The following CASTOR2 variants were observed in gnomAD, a reference collection of about 807,000 sequenced individuals.
The protein encoded by CASTOR2 is GATS protein like 2.
In CASTOR2, 8 loss-of-function variants were observed where a neutral mutation model predicts 31.2. The ratio of observed to expected loss-of-function variants is 0.26; its 90% confidence interval spans 0.15 to 0.46. The LOEUF is 0.46. CASTOR2 is among the 20% of genes least tolerant of loss of function. CASTOR2 has a pLI of 0.99. For missense variants in CASTOR2, 216 were observed against 382.1 expected (o/e 0.57, Z 3.62); for synonymous variants, 162 against 158.7 (o/e 1.02, Z -0.16).
intron 1 of CASTOR2, among the ~76,000 whole-genome samples, chr7:75,003,488 C>T (rs1804541445): frequency 6.6e-6 from 1 of 151,464 alleles, no homozygotes; most frequent in Non-Finnish European, 1.5e-5. Flanking sequence ...TGGTGGCTCA[C>T]GCCTATAATC....
chr7:75,026,462 T>G lies in CASTOR2; in HGVS notation c.*1763T>G, dbSNP rs1805135917. Among the ~76,000 whole-genome samples the G allele has an allele frequency of 6.6e-6, 1 of 152,134 alleles. No individual in the cohort carries two copies. Among genetic ancestry groups the G allele is most frequent in the South Asian group, 2.1e-4 (1 of 4,826 alleles). The stretch of plus-strand genomic sequence containing the variant: ...GCCTCGGCCTCCCAAAATGCCGGGA[T>G]TACAGGCGTGAGCCACCACACCCAG... On this transcript the variant is annotated 3_prime_UTR_variant, in exon 9 of 9. Coordinates refer to ENST00000616305, the MANE Select transcript of CASTOR2 (RefSeq NM_001145064.3).
chr7:74,999,650 G>A (rs1277255958), intron 1 of CASTOR2, among the ~76,000 whole-genome samples: 5 of 108,860 alleles, frequency 4.6e-5, no homozygotes, highest in East Asian at 6.3e-4. Flanking sequence ...ACGGAATCTC[G>A]CTCTGTCTCC....
At chr7:75,004,230 A>T (rs1245554644) in intron 1 of CASTOR2, among the ~76,000 whole-genome samples, 2 of 152,146 alleles carry the variant, frequency 1.3e-5, no homozygotes, top group Admixed American at 6.6e-5. Flanking sequence ...AGTGATTGCC[A>T]CTTACTGTGG....
At chr7:75,007,121 C>T (rs1396128409) in intron 1 of CASTOR2, among the ~76,000 whole-genome samples, 2 of 152,134 alleles carry the variant, frequency 1.3e-5, no homozygotes, top group Non-Finnish European at 2.9e-5. Flanking sequence ...CACACTTGGA[C>T]TTGCCATCTC....
chr7:75,005,003 T>C (rs1804574829), intron 1 of CASTOR2, among the ~76,000 whole-genome samples: 1 of 151,838 alleles, frequency 6.6e-6, no homozygotes, highest in African/African-American at 2.4e-5. Flanking sequence ...GTAGTTGGGA[T>C]TACAGGTGCC....
chr7:74,985,948 G>C (rs1469652842), intron 1 of CASTOR2, among the ~76,000 whole-genome samples: 5 of 151,910 alleles, frequency 3.3e-5, no homozygotes, highest in African/African-American at 1.2e-4. Context: ...ATTTTTTTGA[G>C]ACAGAGTCTC....
chr7:74,977,806 G>A (rs1803856578), intron 1 of CASTOR2, among the ~76,000 whole-genome samples: 1 of 150,436 alleles, frequency 6.6e-6, no homozygotes, highest in African/African-American at 2.4e-5. Flanking sequence ...GCCCCACTGA[G>A]TAGCTGGGAC....
intron 2 of CASTOR2, among the ~76,000 whole-genome samples, chr7:75,014,747 C>G (rs1804829692): frequency 1.3e-5 from 2 of 152,324 alleles, no homozygotes; most frequent in African/African-American, 2.4e-5. Context: ...TTCCCCCACA[C>G]CCACGTTTCC....
intron 2 of CASTOR2, among the ~76,000 whole-genome samples, chr7:75,009,332 T>G (rs1468862285): frequency 4.0e-5 from 5 of 125,934 alleles, no homozygotes; most frequent in Admixed American, 2.0e-4. Context: ...TGCAGTGGTG[T>G]GATCTCAGCA....
In CASTOR2 at chr7:74,964,705, AGCTGCTCCCCGCGCCGGGCGCCGCGCGCC is replaced by A. The variant is rs1563051380; in HGVS notation, c.-272_-244del. 5.4e-5 allele frequency: 7 copies of A among 129,632 alleles called. No homozygotes were observed. Among genetic ancestry groups the A allele is most frequent in the Non-Finnish European group, 1.0e-4 (6 of 60,292 alleles). 8.0% of individuals were successfully genotyped at this position (129,632 alleles called of 1,614,324 possible). Reference sequence around the variant, plus strand: ...CAAGTTGTTTGTTACAGCGAACACCAGCTGCTCCCCGCGCCGGGCGCCGCGCGCCGCTGCTCCGCCGCTCGGCCCCTCGG... The same window carrying A: ...CAAGTTGTTTGTTACAGCGAACACCAGCTGCTCCGCCGCTCGGCCCCTCGG... On this transcript the variant is annotated 5_prime_UTR_variant, in exon 1 of 9. Transcript: ENST00000616305.
intron 2 of CASTOR2, among the ~76,000 whole-genome samples, chr7:75,015,938 G>T (rs1340761878): frequency 2.0e-5 from 3 of 152,118 alleles, no homozygotes; most frequent in African/African-American, 4.8e-5. Context: ...ATGATGTTGG[G>T]TGCCTCTAAT....
At chr7:74,985,997 G>A (rs1804054952) in intron 1 of CASTOR2, among the ~76,000 whole-genome samples, 1 of 151,944 alleles carries the variant, frequency 6.6e-6, no homozygotes, top group Non-Finnish European at 1.5e-5. Flanking sequence ...GCATTATCTC[G>A]GCTCACTGCA....
intron 1 of CASTOR2, among the ~76,000 whole-genome samples, chr7:74,969,375 C>T (rs1357584738): frequency 1.6e-5 from 1 of 62,264 alleles, no homozygotes; most frequent in Non-Finnish European, 3.1e-5. Flanking sequence ...CTACACCTCC[C>T]GGGCTTGAGT....
rs1805284365 is a variant in CASTOR2, at chr7:75,030,898, C to T, written c.*6199C>T. Among the ~76,000 whole-genome samples the T allele has an allele frequency of 1.3e-5, 2 of 152,186 alleles. No individual in the cohort carries two copies. Among genetic ancestry groups the T allele is most frequent in the African/African-American group, 4.8e-5 (2 of 41,444 alleles). On this transcript the variant is annotated 3_prime_UTR_variant, in exon 9 of 9. Transcript: ENST00000616305. The stretch of plus-strand genomic sequence containing the variant: ...TTTGTGGGGGCCGGCACTCCCTCAT[C>T]TACTGGGGCTCATTCTGGAAGAAGG...
chr7:74,987,828 C>A (rs1296649955), intron 1 of CASTOR2, among the ~76,000 whole-genome samples: 1 of 151,954 alleles, frequency 6.6e-6, no homozygotes, highest in Non-Finnish European at 1.5e-5. Context: ...CCCACCTCAG[C>A]CTCCTGAGTA....
intron 6 of CASTOR2, among the ~76,000 whole-genome samples, 200 bp from the exon 7 acceptor site, chr7:75,021,674 A>G (rs1185024761): frequency 6.6e-6 from 1 of 152,042 alleles, no homozygotes; most frequent in Non-Finnish European, 1.5e-5. Flanking sequence ...CACCCTCCCC[A>G]TCCGCCTCCC....
At chr7:74,992,420 C>G (rs1554437441) in intron 1 of CASTOR2, among the ~76,000 whole-genome samples, 1 of 151,996 alleles carries the variant, frequency 6.6e-6, no homozygotes, top group African/African-American at 2.4e-5. Flanking sequence ...TGAGCAACAT[C>G]GTGAGACCCT....
chr7:75,023,771 G>C (rs972541152), intron 7 of CASTOR2, among the ~76,000 whole-genome samples: 1 of 152,120 alleles, frequency 6.6e-6, no homozygotes, highest in Non-Finnish European at 1.5e-5. Flanking sequence ...GCCAGATCTC[G>C]TGAGGACTTA....
intron 1 of CASTOR2, among the ~76,000 whole-genome samples, chr7:74,979,354 T>C (rs1554436059): frequency 1.4e-5 from 2 of 142,546 alleles, no homozygotes; most frequent in African/African-American, 2.6e-5. Context: ...CTTCCCAACC[T>C]CCCCTCTATT....
Sources: allele counts gnomAD v4.1 joint callset (sites outside exome capture counted in the v4.1 genomes callset), GRCh38; gene constraint gnomAD v4.1.1; transcripts MANE v1.5; gene names NCBI Gene and HGNC (gene_info 2026-07-23, HGNC 2026-07-21).